CHD9: variants seen among roughly 807,000 people sequenced by gnomAD.
CHD9 encodes the protein chromodomain helicase DNA binding protein 9.
CHD9 carries 77 observed loss-of-function variants against 316.1 expected under a neutral mutation model. The observed-to-expected ratio is 0.24, with a 90% CI of 0.20 to 0.29. CHD9 has a LOEUF of 0.29. Ranked by LOEUF, CHD9 falls within the 10% of genes least tolerant of loss-of-function variation. CHD9 has a pLI of 1.00. For missense variants in CHD9, 2,763 were observed against 3,438.1 expected, an observed-to-expected ratio of 0.80 and a Z score of 4.91; for synonymous variants, 1,129 against 1,158.3, an observed-to-expected ratio of 0.97 and a Z score of 0.51.
At chr16:53,257,001 A>C (rs555935686) in intron 19 of CHD9, among the ~76,000 whole-genome samples, 1 of 152,322 alleles carries the variant, frequency 6.6e-6, no homozygotes, top group East Asian at 1.9e-4. Flanking sequence ...TACTAAAATG[A>C]AAGGATTATA....
At chr16:53,207,512 T>C (rs1319941592) in intron 2 of CHD9, among the ~76,000 whole-genome samples, 1 of 152,242 alleles carries the variant, frequency 6.6e-6, no homozygotes, top group Non-Finnish European at 1.5e-5. Flanking sequence ...ATAATTCAAA[T>C]GAAAATAGCT....
intron 10 of CHD9, among the ~76,000 whole-genome samples, chr16:53,233,137 C>A (rs2048324294): frequency 2.0e-5 from 3 of 152,072 alleles, no homozygotes; most frequent in Non-Finnish European, 4.4e-5. Flanking sequence ...GGGTTCAGTC[C>A]CACAAGACTG....
chr16:53,170,049 G>GGT (rs2042578252), intron 2 of CHD9, among the ~76,000 whole-genome samples: 1 of 127,738 alleles, frequency 7.8e-6, no homozygotes, highest in African/African-American at 2.8e-5. Context: ...GTTTTTTTTT[G>GGT]TTTTTTTTTG....
At chr16:53,185,035 G>A (rs889281510) in intron 2 of CHD9, among the ~76,000 whole-genome samples, 1 of 152,120 alleles carries the variant, frequency 6.6e-6, no homozygotes, top group African/African-American at 2.4e-5. Context: ...ACCCAGTTTT[G>A]GGAAGTTCTT....
chr16:53,094,088 A>AGGCAGCTCTGCTGT (rs2036177818), intron 1 of CHD9, among the ~76,000 whole-genome samples: 1 of 152,224 alleles, frequency 6.6e-6, no homozygotes, highest in Non-Finnish European at 1.5e-5. Context: ...CTGTGACAGC[A>AGGCAGCTCTGCTGT]GGCAGCTCTG....
chr16:53,237,150 G>T (rs2048703248), intron 11 of CHD9, among the ~76,000 whole-genome samples: 1 of 151,890 alleles, frequency 6.6e-6, no homozygotes, highest in Non-Finnish European at 1.5e-5. Flanking sequence ...TTTCCATCTT[G>T]GTTAATAACA....
intron 12 of CHD9, among the ~76,000 whole-genome samples, chr16:53,240,501 G>A (rs1272453474): frequency 2.0e-5 from 3 of 151,884 alleles, no homozygotes; most frequent in Non-Finnish European, 4.4e-5. Context: ...ACCTAAAGAG[G>A]TTTTAAATTT....
intron 2 of CHD9, among the ~76,000 whole-genome samples, chr16:53,172,208 G>A (rs759228391): frequency 7.3e-5 from 11 of 151,630 alleles, no homozygotes; most frequent in Admixed American, 1.3e-4. Context: ...CCTCCTTCGC[G>A]CACCCAGACA....
At chr16:53,094,641 C>CTTTTTTTT (rs902726569) in intron 1 of CHD9, among the ~76,000 whole-genome samples, 1 of 136,800 alleles carries the variant, frequency 7.3e-6, no homozygotes, top group Non-Finnish European at 1.6e-5. Context: ...TTTACTTTTT[C>CTTTTTTTT]TTTTTTTTTT....
At chr16:53,122,599 C>T (rs894095135) in intron 1 of CHD9, among the ~76,000 whole-genome samples, 50 of 145,530 alleles carry the variant, frequency 3.4e-4, no homozygotes, top group Non-Finnish European at 6.5e-4. Context: ...GGCTGGAGTA[C>T]AGTGGCACAA....
intron 2 of CHD9, among the ~76,000 whole-genome samples, chr16:53,185,951 G>A (rs137899772): frequency 6.6e-6 from 1 of 152,238 alleles, no homozygotes; most frequent in Non-Finnish European, 1.5e-5. Context: ...GAAGTGTGCT[G>A]CAGGAGTGGA....
intron 30 of CHD9, chr16:53,298,459 G>T: frequency 6.5e-6 from 1 of 153,284 alleles, no homozygotes; most frequent in Non-Finnish European, 1.5e-5. Context: ...ACAAGCCTGG[G>T]CAACATAGGG....
intron 1 of CHD9, among the ~76,000 whole-genome samples, chr16:53,151,505 C>T (rs1039507687): frequency 6.6e-6 from 1 of 152,044 alleles, no homozygotes; most frequent in African/African-American, 2.4e-5. Flanking sequence ...ATCCACCTGC[C>T]TTAGACTCCC....
At chr16:53,210,534 A>G (rs2046247991) in intron 3 of CHD9, among the ~76,000 whole-genome samples, 1 of 152,104 alleles carries the variant, frequency 6.6e-6, no homozygotes, top group African/African-American at 2.4e-5. Context: ...AATTTGCTTT[A>G]TAGGTGTATT....
At chr16:53,297,318 C>T (rs770635676) in intron 30 of CHD9, among the ~76,000 whole-genome samples, 160 bp downstream of exon 30, 46 of 151,928 alleles carry the variant, frequency 3.0e-4, no homozygotes, top group Admixed American at 1.4e-3. Flanking sequence ...TTAAAGATCG[C>T]GTATTTGTTA....
chr16:53,279,212 A>G (rs2153028003), intron 24 of CHD9, among the ~76,000 whole-genome samples: 1 of 152,262 alleles, frequency 6.6e-6, no homozygotes, highest in African/African-American at 2.4e-5. Flanking sequence ...CTTTGTAGGG[A>G]CATGGATGAA....
At chr16:53,105,974 C>T (rs1438908764) in intron 1 of CHD9, among the ~76,000 whole-genome samples, 2 of 152,092 alleles carry the variant, frequency 1.3e-5, no homozygotes, top group Admixed American at 6.6e-5. Context: ...AGGTGCCTGC[C>T]ACTATGCCTG....
chr16:53,199,872 C>A (rs2045288044), intron 2 of CHD9, among the ~76,000 whole-genome samples: 1 of 152,154 alleles, frequency 6.6e-6, no homozygotes, highest in Admixed American at 6.5e-5. Context: ...CTTGAAGGAG[C>A]TGTAAATGGC....
At chr16:53,154,693 A>G (rs778020214) in intron 1 of CHD9, among the ~76,000 whole-genome samples, 1 of 152,198 alleles carries the variant, frequency 6.6e-6, no homozygotes, top group Non-Finnish European at 1.5e-5. Flanking sequence ...ATGAGAATCT[A>G]ATACTGCCGC....
Sources: gnomAD v4.1 joint callset for allele counts (sites outside exome capture counted in the v4.1 genomes callset) on GRCh38, gnomAD v4.1.1 for gene constraint, MANE v1.5 for transcripts, NCBI Gene and HGNC (gene_info 2026-07-23, HGNC 2026-07-21) for gene names.